Variants in CCDC7 observed in about 807,000 individuals in gnomAD.
CCDC7 encodes coiled-coil domain-containing protein 7.
Under a neutral mutation model 196.9 loss-of-function variants are expected in CCDC7, and 183 were observed. That is an observed-to-expected ratio of 0.93 (90% CI 0.82 to 1.05). The LOEUF is 1.05. CCDC7 is among the 50% of genes least tolerant of loss of function. The pLI is 0.00. For synonymous variants in CCDC7, 525 were observed against 484.6 expected, an observed-to-expected ratio of 1.08 and a Z score of -1.10; for missense variants, 1,540 against 1,482.2, an observed-to-expected ratio of 1.04 and a Z score of -0.64.
chr10:32,634,608 G>T (rs546462528), intron 19 of CCDC7, among the ~76,000 whole-genome samples: 2 of 152,040 alleles, frequency 1.3e-5, no homozygotes, highest in Non-Finnish European at 2.9e-5. Flanking sequence ...TGTTGATCAG[G>T]CTGGTCTCGA....
At chr10:32,703,276 C>G (rs1192287578) in intron 24 of CCDC7, among the ~76,000 whole-genome samples, 1 of 152,068 alleles carries the variant, frequency 6.6e-6, no homozygotes, top group Non-Finnish European at 1.5e-5. Context: ...ACTTATGAAG[C>G]TTAGTTTGGC....
chr10:32,659,647 AC>A lies in CCDC7; in HGVS notation c.2015-4403del, dbSNP rs543633972. ...AAATAAACAGCAACAACAACAAACA[AC>A]CCCATTAAAAAGTGGGCAAAAGACA... On this transcript the variant is annotated intron_variant, in intron 20 of 41. Coordinates refer to ENST00000639629, the Ensembl canonical transcript of CCDC7. 1.1e-4 allele frequency among the ~76,000 whole-genome samples: 17 copies of A among 152,308 alleles called. No individual in the cohort carries two copies. In the South Asian group the frequency reaches 3.5e-3, roughly 32 times the overall value.
At chr10:32,685,085 T>C (rs915987849) in intron 21 of CCDC7, among the ~76,000 whole-genome samples, 3 of 152,150 alleles carry the variant, frequency 2.0e-5, no homozygotes, top group Non-Finnish European at 4.4e-5. Flanking sequence ...TAATCAACTA[T>C]ATTGTATTCT....
rs181352599 is a variant in CCDC7, at chr10:32,644,132, A to G, written c.2014+8974A>G. ...ATATGGTGTTTTAGTCCATGTATAC[A>G]TAGTATAATGATTGAATCAGGGAAA... is the stretch of plus-strand genomic sequence containing the variant. On this transcript the variant is annotated intron_variant, in intron 20 of 41. Transcript: ENST00000639629. 5.0e-4 allele frequency among the ~76,000 whole-genome samples: 76 copies of G among 152,280 alleles called. 1 individual carries two copies. Among genetic ancestry groups the G allele is most frequent in the Admixed American group, 3.9e-3 (59 of 15,292 alleles).
intron 28 of CCDC7, among the ~76,000 whole-genome samples, chr10:32,778,066 G>C (rs1167963283): frequency 2.0e-5 from 3 of 152,080 alleles, no homozygotes; most frequent in Non-Finnish European, 4.4e-5. Flanking sequence ...GTTGGTTTAA[G>C]TTCCTTATAG....
intron 20 of CCDC7, among the ~76,000 whole-genome samples, chr10:32,640,864 C>CT (rs753769301): frequency 0.14 from 10,389 of 74,514 alleles, 1,494 homozygotes; most frequent in African/African-American, 0.35. Flanking sequence ...TGTAGATTTT[C>CT]TTTTTTTTTT....
intron 9 of CCDC7, chr10:32,511,228 C>T: frequency 4.4e-6 from 3 of 686,686 alleles, no homozygotes; most frequent in Non-Finnish European, 7.4e-6. Context: ...CACATTTAAA[C>T]CTTGTCCTGC....
chr10:32,720,292 A>G (rs961662595), intron 25 of CCDC7, among the ~76,000 whole-genome samples: 2 of 152,108 alleles, frequency 1.3e-5, no homozygotes, highest in African/African-American at 2.4e-5. Context: ...TAACACAGCA[A>G]ACTAACAACA....
At chr10:32,496,244 T>C (rs2042899242) in intron 9 of CCDC7, among the ~76,000 whole-genome samples, 1 of 152,242 alleles carries the variant, frequency 6.6e-6, no homozygotes, top group Admixed American at 6.5e-5. Flanking sequence ...TTTTGTATCC[T>C]GAGACTTTGC....
intron 41 of CCDC7, among the ~76,000 whole-genome samples, chr10:32,871,313 C>T (rs1159297124): frequency 6.6e-6 from 1 of 152,058 alleles, no homozygotes; most frequent in Non-Finnish European, 1.5e-5. Context: ...TCAACTTCTT[C>T]CTGGTTTAGT....
chr10:32,723,589 T>C (rs2082708848), intron 25 of CCDC7, among the ~76,000 whole-genome samples: 1 of 152,056 alleles, frequency 6.6e-6, no homozygotes, highest in Non-Finnish European at 1.5e-5. Flanking sequence ...GGATGTAGAT[T>C]GTTTTGGATG....
intron 13 of CCDC7, among the ~76,000 whole-genome samples, chr10:32,558,547 T>A (rs2054748026): frequency 6.6e-6 from 1 of 152,302 alleles, no homozygotes; most frequent in Non-Finnish European, 1.5e-5. Context: ...TGGTGGTTTT[T>A]AAATCAGCTA....
chr10:32,574,901 T>C (rs1590073984), intron 16 of CCDC7, among the ~76,000 whole-genome samples: 1 of 152,204 alleles, frequency 6.6e-6, no homozygotes. Flanking sequence ...AGCTGTTAAA[T>C]TTACTCATTC....
chr10:32,482,502 C>CT (rs200742381), intron 8 of CCDC7, among the ~76,000 whole-genome samples: 6,156 of 151,750 alleles, frequency 0.041, 131 homozygotes, highest in Middle Eastern at 0.051. Flanking sequence ...ATCAGAATTT[C>CT]TTTTTTTTAT....
At chr10:32,624,282 A>T (rs1419364224) in intron 18 of CCDC7, among the ~76,000 whole-genome samples, 2 of 126,896 alleles carry the variant, frequency 1.6e-5, no homozygotes, top group African/African-American at 5.1e-5. Flanking sequence ...TTGATCACAT[A>T]GCAGCCAGAG....
intron 23 of CCDC7, among the ~76,000 whole-genome samples, chr10:32,690,809 G>A (rs567540407): frequency 3.2e-4 from 48 of 152,142 alleles, no homozygotes; most frequent in Non-Finnish European, 6.3e-4. Flanking sequence ...AATGCAAGTG[G>A]GGGTTCACAT....
intron 25 of CCDC7, among the ~76,000 whole-genome samples, chr10:32,713,792 C>G (rs2081192925): frequency 6.6e-6 from 1 of 152,194 alleles, no homozygotes; most frequent in African/African-American, 2.4e-5. Flanking sequence ...ATTTTTTTGC[C>G]ACTCTTTCCA....
At chr10:32,722,373 A>T (rs1337218245) in intron 25 of CCDC7, among the ~76,000 whole-genome samples, 1 of 152,140 alleles carries the variant, frequency 6.6e-6, no homozygotes, top group African/African-American at 2.4e-5. Flanking sequence ...TCTACTTCCC[A>T]GTGGTAGGGC....
At chr10:32,716,415 GA>G (rs1165506871) in intron 25 of CCDC7, among the ~76,000 whole-genome samples, 1 of 152,196 alleles carries the variant, frequency 6.6e-6, no homozygotes, top group Non-Finnish European at 1.5e-5. Flanking sequence ...ATATGGAAAG[GA>G]AAAACTGGTA....
Sources: gnomAD v4.1 joint callset for allele counts (sites outside exome capture counted in the v4.1 genomes callset) on GRCh38, gnomAD v4.1.1 for gene constraint, MANE v1.5 for transcripts, NCBI Gene and HGNC (gene_info 2026-07-23, HGNC 2026-07-21) for gene names.